ZNF423: variants seen among roughly 807,000 people sequenced by gnomAD.
ZNF423 encodes Ebf-associated zinc finger protein.
In ZNF423, 12 loss-of-function variants were observed where a neutral mutation model predicts 95.8. That is an observed-to-expected ratio of 0.13 (90% CI 0.08 to 0.20). The LOEUF is 0.20. ZNF423 is among the 10% of genes least tolerant of loss of function. The pLI is 1.00. For synonymous variants in ZNF423, 749 were observed against 711.9 expected (o/e 1.05, Z -0.83); for missense variants, 1,316 against 1,737.1 (o/e 0.76, Z 4.31).
chr16:49,627,458 C>A (rs1053309691), intron 4 of ZNF423, among the ~76,000 whole-genome samples: 7 of 149,290 alleles, frequency 4.7e-5, no homozygotes, highest in Non-Finnish European at 8.9e-5. Flanking sequence ...CATATATACC[C>A]ACCCATCCAT....
At chr16:49,735,671 C>T (rs182295816) in intron 2 of ZNF423, among the ~76,000 whole-genome samples, 2 of 152,146 alleles carry the variant, frequency 1.3e-5, no homozygotes, top group Non-Finnish European at 2.9e-5. Context: ...GGACACTCCC[C>T]CTTCAAGCCC....
intron 7 of ZNF423, among the ~76,000 whole-genome samples, chr16:49,517,127 G>A (rs1048971763): frequency 6.6e-6 from 1 of 152,230 alleles, no homozygotes; most frequent in African/African-American, 2.4e-5. Flanking sequence ...AAGACAGAGT[G>A]TAGCTGCCTT....
At chr16:49,553,533 G>T (rs1969715410) in intron 5 of ZNF423, among the ~76,000 whole-genome samples, 1 of 152,052 alleles carries the variant, frequency 6.6e-6, no homozygotes, top group East Asian at 1.9e-4. Flanking sequence ...TTTTTGTAAA[G>T]GTGAGGTCTT....
chr16:49,788,388 T>G (rs777772135), intron 2 of ZNF423, among the ~76,000 whole-genome samples: 13 of 152,242 alleles, frequency 8.5e-5, no homozygotes, highest in Non-Finnish European at 1.9e-4. Flanking sequence ...ATTAACACTT[T>G]CTTGTCAACT....
intron 5 of ZNF423, among the ~76,000 whole-genome samples, chr16:49,533,158 G>A (rs943461056): frequency 2.0e-4 from 30 of 152,202 alleles, no homozygotes; most frequent in African/African-American, 7.2e-4. Flanking sequence ...TTTCAGCCTG[G>A]CTTGATCACT....
intron 7 of ZNF423, among the ~76,000 whole-genome samples, chr16:49,506,068 A>G (rs1458449626): frequency 6.6e-6 from 1 of 152,134 alleles, no homozygotes; most frequent in African/African-American, 2.4e-5. Flanking sequence ...GTGTGTGTGT[A>G]TGTGTGTGTA....
chr16:49,700,215 A>AAAGAAG (rs1555473664), intron 3 of ZNF423, among the ~76,000 whole-genome samples: 1 of 136,110 alleles, frequency 7.3e-6, no homozygotes, highest in Non-Finnish European at 1.5e-5. Context: ...AAAAAAAAAA[A>AAAGAAG]AACAAGAAGA....
At chr16:49,817,130 T>C (rs1467156095) in intron 1 of ZNF423, among the ~76,000 whole-genome samples, 2 of 152,196 alleles carry the variant, frequency 1.3e-5, no homozygotes, top group Non-Finnish European at 2.9e-5. Context: ...GTCTGGCATC[T>C]TCCATGGACA....
intron 3 of ZNF423, among the ~76,000 whole-genome samples, chr16:49,661,199 C>T (rs1047318911): frequency 6.4e-5 from 9 of 140,330 alleles, no homozygotes; most frequent in African/African-American, 2.6e-4. Flanking sequence ...GCCCAGGCGA[C>T]ACAGTGAGAC....
At chr16:49,574,269 C>G (rs949031164) in intron 5 of ZNF423, among the ~76,000 whole-genome samples, 3 of 152,162 alleles carry the variant, frequency 2.0e-5, no homozygotes, top group African/African-American at 7.2e-5. Flanking sequence ...CCTGTGGTCC[C>G]AGCTAATCAG....
intron 5 of ZNF423, among the ~76,000 whole-genome samples, chr16:49,565,077 C>T (rs992090415): frequency 1.3e-5 from 2 of 152,210 alleles, no homozygotes; most frequent in Non-Finnish European, 2.9e-5. Context: ...CAGCTCGACC[C>T]AGCAGGAGTT....
chr16:49,708,927 CG>C (rs1408155440), intron 3 of ZNF423, among the ~76,000 whole-genome samples: 4 of 151,946 alleles, frequency 2.6e-5, no homozygotes, highest in Non-Finnish European at 5.9e-5. Context: ...AATGAATGGG[CG>C]GGGGGTAAAG....
rs181076528 is a variant in ZNF423, at chr16:49,660,335, A to T, written c.302-21461T>A. On this transcript the variant is annotated intron_variant, in intron 3 of 7. Transcript: ENST00000563137. ...TGAAGTCCAGGGCTTCGTCTAAAGG[A>T]GGCACTTGAAAACTATGGTATGAAT... Among the ~76,000 whole-genome samples the T allele has an allele frequency of 1.3e-3, 202 of 152,342 alleles. 1 individual carries two copies. The highest frequency in any genetic ancestry group is 4.5e-3 in the African/African-American group (187 of 41,578).
intron 5 of ZNF423, among the ~76,000 whole-genome samples, chr16:49,622,865 C>T (rs910042595): frequency 6.6e-6 from 1 of 152,196 alleles, no homozygotes; most frequent in African/African-American, 2.4e-5. Flanking sequence ...CTGTTAGCAT[C>T]CTTATTCAAT....
chr16:49,745,009 A>G (rs897029238), intron 2 of ZNF423, among the ~76,000 whole-genome samples: 12 of 152,220 alleles, frequency 7.9e-5, no homozygotes, highest in Admixed American at 5.9e-4. Flanking sequence ...CTCCACGATC[A>G]GGCTTCTTTC....
chr16:49,661,944 T>A (rs1336124159), intron 3 of ZNF423, among the ~76,000 whole-genome samples: 1 of 152,114 alleles, frequency 6.6e-6, no homozygotes, highest in African/African-American at 2.4e-5. Flanking sequence ...CAGGATGAGA[T>A]CAGATACCGC....
chr16:49,623,067 G>A (rs1429038173), intron 5 of ZNF423, among the ~76,000 whole-genome samples: 1 of 152,116 alleles, frequency 6.6e-6, no homozygotes, highest in Non-Finnish European at 1.5e-5. Context: ...GGGAGTGCAG[G>A]TTAGAGCGAG....
chr16:49,649,424 G>C (rs1171027339), intron 3 of ZNF423, among the ~76,000 whole-genome samples: 1 of 152,130 alleles, frequency 6.6e-6, no homozygotes, highest in East Asian at 1.9e-4. Flanking sequence ...GTAAGTCTCA[G>C]GTGGTAGGTA....
At chr16:49,640,975 G>A (rs1056408945) in intron 3 of ZNF423, 1 of 152,216 alleles carries the variant, frequency 6.6e-6, no homozygotes, top group African/African-American at 2.4e-5. Context: ...CCCCAGGGAG[G>A]AGATGGCTGG....
Sources: gnomAD v4.1 joint callset for allele counts (sites outside exome capture counted in the v4.1 genomes callset) on GRCh38, gnomAD v4.1.1 for gene constraint, MANE v1.5 for transcripts, NCBI Gene and HGNC (gene_info 2026-07-23, HGNC 2026-07-21) for gene names.